SLC26A7: variants seen among roughly 807,000 people sequenced by gnomAD.
SLC26A7 encodes the protein anion exchange transporter.
SLC26A7 carries 59 observed loss-of-function variants against 82.5 expected under a neutral mutation model. That is an observed-to-expected ratio of 0.72 (90% CI 0.58 to 0.89). The LOEUF (loss-of-function observed/expected upper bound fraction) is 0.89, where lower values mean the gene tolerates loss of function less well. SLC26A7 is among the 40% of genes least tolerant of loss of function. The pLI is 0.00. For missense variants in SLC26A7, 820 were observed against 793.0 expected, an observed-to-expected ratio of 1.03 and a Z score of -0.41; for synonymous variants, 271 against 274.3, an observed-to-expected ratio of 0.99 and a Z score of 0.12.
intron 4 of SLC26A7, among the ~76,000 whole-genome samples, chr8:91,304,682 G>T (rs1425902789): frequency 6.6e-6 from 1 of 152,192 alleles, no homozygotes; most frequent in South Asian, 2.1e-4. Context: ...CTGCTATGCA[G>T]CTTTCTAAAC....
Position 91,249,693 on chromosome 8 carries a change from C to G in SLC26A7, c.42C>G (p.Ser14Arg), listed in dbSNP as rs757117136. ...GGAAAAAGAAAAGCATGCTTTGGAG[C>G]AAGATGCATACCCCCCAGTGTGAAG... Reference protein sequence around the residue: ...AKRKKKSMLWSKMHTPQCEDI... With the variant: ...AKRKKKSMLWRKMHTPQCEDI... The change falls in exon 2 of 19, where the codon AGC becomes AGG. Residue 14 changes from serine to arginine, a missense_variant. By Grantham distance (110) the Ser-to-Arg change is moderately radical (BLOSUM62 -1). Coordinates refer to ENST00000276609, the MANE Select transcript of SLC26A7 (RefSeq NM_052832.4). The G allele has an allele frequency of 6.4e-7, 1 of 1,568,432 alleles. No individual in the cohort carries two copies. Among genetic ancestry groups the G allele is most frequent in the East Asian group, 2.3e-5 (1 of 42,600 alleles).
intron 15 of SLC26A7, among the ~76,000 whole-genome samples, chr8:91,386,895 A>G (rs1196270954): frequency 4.6e-5 from 7 of 152,210 alleles, no homozygotes; most frequent in Non-Finnish European, 8.8e-5. Flanking sequence ...AAAAAGTTTG[A>G]AAAAGTCAGT....
chr8:91,219,034 A>G, intron 2 of SLC26A7: 2 of 1,232,842 alleles, frequency 1.6e-6, no homozygotes, highest in South Asian at 1.4e-5. Flanking sequence ...GCCTCACTCC[A>G]CTTGCCCTGT....
At chr8:91,254,577 A>G (rs1810749954) in intron 2 of SLC26A7, among the ~76,000 whole-genome samples, 2 of 152,070 alleles carry the variant, frequency 1.3e-5, no homozygotes, top group African/African-American at 4.8e-5. Context: ...ACTGATTTTT[A>G]CAATGTGTTC....
intron 1 of SLC26A7, among the ~76,000 whole-genome samples, chr8:91,214,133 G>GT (rs1457207079): frequency 5.3e-5 from 8 of 152,110 alleles, no homozygotes; most frequent in Non-Finnish European, 8.8e-5. Context: ...GTTTCCTACT[G>GT]TGGGTGTAAG....
intron 15 of SLC26A7, among the ~76,000 whole-genome samples, chr8:91,373,134 A>T (rs1814414078): frequency 6.6e-6 from 1 of 151,914 alleles, no homozygotes; most frequent in South Asian, 2.1e-4. Context: ...TAGAGTCTTC[A>T]GAGTTTTCTA....
At chr8:91,372,774 A>G (rs763317441) in intron 15 of SLC26A7, among the ~76,000 whole-genome samples, 3 of 151,636 alleles carry the variant, frequency 2.0e-5, no homozygotes, top group Admixed American at 1.3e-4. Flanking sequence ...GAAAAGTGAT[A>G]TAATGTGTTA....
chr8:91,308,145 G>T lies in SLC26A7; in HGVS notation c.478-10071G>T, dbSNP rs753968514. On this transcript the variant is annotated intron_variant, in intron 4 of 18. Coordinates refer to ENST00000276609, the MANE Select transcript of SLC26A7 (RefSeq NM_052832.4). ...AATTTTTAATTATCTTGACACTTTT[G>T]AGGAGTACTGGTCAGGTAGTCTACA... 5.3e-5 allele frequency among the ~76,000 whole-genome samples: 8 copies of T among 151,880 alleles called. 1 individual carries two copies. The highest frequency in any genetic ancestry group is 1.2e-4 in the Non-Finnish European group (8 of 67,988).
chr8:91,369,601 GAATT>G (rs1016917506), intron 14 of SLC26A7, among the ~76,000 whole-genome samples, 180 bp from the exon 15 acceptor site: 3 of 152,000 alleles, frequency 2.0e-5, no homozygotes, highest in Admixed American at 6.5e-5. Context: ...TGTATACTTA[GAATT>G]AATTATTTTA....
intron 2 of SLC26A7, among the ~76,000 whole-genome samples, chr8:91,287,763 G>A (rs1811749832): frequency 6.6e-6 from 1 of 152,260 alleles, no homozygotes; most frequent in Admixed American, 6.5e-5. Flanking sequence ...TTACAAAGTT[G>A]CTTACACTAA....
intron 2 of SLC26A7, among the ~76,000 whole-genome samples, chr8:91,269,709 C>A (rs1292077564): frequency 1.3e-5 from 2 of 151,956 alleles, no homozygotes; most frequent in African/African-American, 2.4e-5. Context: ...CTTAAATATG[C>A]CTTCCAGTCC....
intron 9 of SLC26A7, among the ~76,000 whole-genome samples, chr8:91,346,504 A>C (rs1445021366): frequency 3.9e-5 from 6 of 152,200 alleles, no homozygotes; most frequent in Admixed American, 3.9e-4. Context: ...AAATTGATGT[A>C]GATGATAAAC....
At chr8:91,385,721 A>C (rs1814782532) in intron 15 of SLC26A7, among the ~76,000 whole-genome samples, 1 of 152,330 alleles carries the variant, frequency 6.6e-6, no homozygotes, top group South Asian at 2.1e-4. Flanking sequence ...GACATTTTAA[A>C]ATCACTATTG....
At chr8:91,379,484 T>A (rs1321151565) in intron 15 of SLC26A7, among the ~76,000 whole-genome samples, 1 of 151,818 alleles carries the variant, frequency 6.6e-6, no homozygotes, top group Non-Finnish European at 1.5e-5. Flanking sequence ...TATGACAGAG[T>A]AGAGAGTTCA....
intron 11 of SLC26A7, among the ~76,000 whole-genome samples, chr8:91,357,675 G>T (rs7828319): frequency 6.6e-6 from 1 of 151,876 alleles, no homozygotes; most frequent in Admixed American, 6.6e-5. Context: ...AACCTAGGCA[G>T]TACCATTCAG....
upstream of SLC26A7, among the ~76,000 whole-genome samples, chr8:91,248,379 A>G (rs948392706): frequency 2.6e-5 from 4 of 152,106 alleles, no homozygotes; most frequent in Non-Finnish European, 5.9e-5. Flanking sequence ...GAGGGATCCA[A>G]GTACTTTGTT....
chr8:91,392,685 G>A (rs184038961), intron 16 of SLC26A7, among the ~76,000 whole-genome samples: 1 of 152,122 alleles, frequency 6.6e-6, no homozygotes, highest in Non-Finnish European at 1.5e-5. Context: ...CATAAGAAAC[G>A]TTCTCTTGGG....
intron 4 of SLC26A7, 35 bp downstream of exon 4, chr8:91,295,738 G>A: frequency 6.3e-7 from 1 of 1,599,224 alleles, no homozygotes; most frequent in Middle Eastern, 1.8e-4. Context: ...CAAAGAAAGG[G>A]ACACAGCGGC....
intron 10 of SLC26A7, among the ~76,000 whole-genome samples, chr8:91,352,327 T>G (rs2130856967): frequency 6.6e-6 from 1 of 152,260 alleles, no homozygotes; most frequent in Middle Eastern, 3.4e-3. Flanking sequence ...CACCTTCTTC[T>G]TCATAAGCCT....
Sources: gnomAD v4.1 joint callset for allele counts (sites outside exome capture counted in the v4.1 genomes callset) on GRCh38, gnomAD v4.1.1 for gene constraint, MANE v1.5 for transcripts, NCBI Gene and HGNC (gene_info 2026-07-23, HGNC 2026-07-21) for gene names.